DCC: variants seen among roughly 807,000 people sequenced by gnomAD.
The protein encoded by DCC is netrin receptor DCC.
Under a neutral mutation model 172.5 loss-of-function variants are expected in DCC, and 58 were observed. The ratio of observed to expected loss-of-function variants is 0.34; its 90% CI spans 0.27 to 0.42. The LOEUF is 0.42. Among genes scored for constraint, DCC ranks in the 10% least tolerant of loss-of-function variants. The pLI, the probability that DCC is intolerant of heterozygous loss-of-function variation, is 1.00. For synonymous variants in DCC, 709 were observed against 644.5 expected (o/e 1.10, Z -1.52); for missense variants, 1,740 against 1,791.0 (o/e 0.97, Z 0.51).
At chr18:53,353,524 T>G (rs1393293223) in intron 15 of DCC, among the ~76,000 whole-genome samples, 2 of 138,864 alleles carry the variant, frequency 1.4e-5, no homozygotes, top group African/African-American at 5.9e-5. Flanking sequence ...ATTTAACTGG[T>G]GTCATTTTTT....
At chr18:53,320,741 T>C (rs989196159) in intron 13 of DCC, among the ~76,000 whole-genome samples, 1 of 152,202 alleles carries the variant, frequency 6.6e-6, no homozygotes, top group African/African-American at 2.4e-5. Context: ...TTTTCAAGTA[T>C]TGTTTTGTGT....
rs558164440 is a variant in DCC, at chr18:53,446,107, A to G, written c.3230-4393A>G. 1.7e-4 allele frequency among the ~76,000 whole-genome samples: 25 copies of G among 144,062 alleles called. 2 individuals are homozygous for G. Among genetic ancestry groups the G allele is most frequent in the Admixed American group, 1.4e-3 (20 of 14,464 alleles). 94.5% of individuals were successfully genotyped at this position (144,062 alleles called of 152,430 possible). On this transcript the variant is annotated intron_variant, in intron 22 of 28. Transcript: ENST00000442544. ...GAAGACCCTGTCTCTACAAAAAAAA[A>G]AAAAAAACAAAAAAAAACACTTAAA...
At chr18:52,478,561 G>C (rs1989162425) in intron 1 of DCC, among the ~76,000 whole-genome samples, 1 of 152,150 alleles carries the variant, frequency 6.6e-6, no homozygotes, top group Non-Finnish European at 1.5e-5. Context: ...AAAGAAAAAA[G>C]GCTTTATTCG....
At chr18:53,031,661 A>C (rs2042027697) in intron 5 of DCC, among the ~76,000 whole-genome samples, 1 of 151,002 alleles carries the variant, frequency 6.6e-6, no homozygotes, top group East Asian at 1.9e-4. Flanking sequence ...GACAAAAATA[A>C]ATATAATATT....
chr18:52,828,076 G>A (rs922508516), intron 2 of DCC, among the ~76,000 whole-genome samples: 10 of 151,820 alleles, frequency 6.6e-5, no homozygotes, highest in African/African-American at 1.2e-4. Flanking sequence ...TTGTATAAAC[G>A]GTTCAATTCC....
At chr18:52,857,675 T>C (rs2039075555) in intron 2 of DCC, among the ~76,000 whole-genome samples, 1 of 152,176 alleles carries the variant, frequency 6.6e-6, no homozygotes, top group Admixed American at 6.5e-5. Context: ...AATGTGAGAA[T>C]TGATCTCTTC....
At chr18:52,891,668 C>A (rs2039652073) in intron 2 of DCC, among the ~76,000 whole-genome samples, 1 of 152,124 alleles carries the variant, frequency 6.6e-6, no homozygotes, top group Admixed American at 6.6e-5. Context: ...AGCAAAATCA[C>A]AGCCTAAATA....
At chr18:52,493,656 A>G (rs529032486) in intron 1 of DCC, among the ~76,000 whole-genome samples, 328 of 152,066 alleles carry the variant, frequency 2.2e-3, no homozygotes, top group Non-Finnish European at 3.4e-3. Flanking sequence ...ACCTTTTTAA[A>G]ATTAATCATT....
chr18:53,321,947 G>A, intron 13 of DCC, 100 bp from the exon 14 acceptor site: 1 of 776,180 alleles, frequency 1.3e-6, no homozygotes, highest in Non-Finnish European at 2.4e-6. Context: ...TGTAAAGCAT[G>A]TCCACTATTG....
At chr18:53,415,866 G>A in intron 20 of DCC, among the ~76,000 whole-genome samples, 1 of 151,824 alleles carries the variant, frequency 6.6e-6, no homozygotes, top group South Asian at 2.1e-4. Flanking sequence ...ATTGTTCTCA[G>A]TTTATGTTTA....
At chr18:53,259,982 C>T (rs2056574453) in intron 12 of DCC, among the ~76,000 whole-genome samples, 1 of 152,144 alleles carries the variant, frequency 6.6e-6, no homozygotes, top group African/African-American at 2.4e-5. Context: ...CCCTTTCTTC[C>T]AGTTGAGCAA....
In DCC at chr18:53,430,392, C is replaced by T. The variant is rs148316798; in HGVS notation, c.3164-4752C>T. Among the ~76,000 whole-genome samples, 1,118 of 152,254 alleles carry T rather than the reference C, an allele frequency of 7.3e-3. 17 individuals are homozygous for T. The highest frequency in any genetic ancestry group is 0.027 in the Admixed American group (415 of 15,274). ...ATTAAACAAACGATTAGAACTACCACATCCACTTTTCTCCATGTCTTCTGC... is the reference window on the plus strand; with the variant it reads ...ATTAAACAAACGATTAGAACTACCATATCCACTTTTCTCCATGTCTTCTGC... On this transcript the variant is annotated intron_variant, in intron 21 of 28. Coordinates refer to ENST00000442544, the MANE Select transcript of DCC (RefSeq NM_005215.4).
intron 2 of DCC, among the ~76,000 whole-genome samples, chr18:52,828,094 C>A (rs938217881): frequency 1.3e-5 from 2 of 152,016 alleles, no homozygotes; most frequent in Admixed American, 1.3e-4. Flanking sequence ...TCCCACATGC[C>A]CCATGCTAAT....
intron 20 of DCC, among the ~76,000 whole-genome samples, chr18:53,412,239 A>G (rs1910026246): frequency 6.6e-6 from 1 of 152,182 alleles, no homozygotes; most frequent in Admixed American, 6.6e-5. Context: ...TTGAAGTTTA[A>G]TATTGTCTAC....
intron 2 of DCC, among the ~76,000 whole-genome samples, chr18:52,821,202 G>T (rs367645704): frequency 6.6e-6 from 1 of 152,048 alleles, no homozygotes; most frequent in Non-Finnish European, 1.5e-5. Flanking sequence ...TATCCTATCT[G>T]CATCTATGCC....
At chr18:52,743,638 G>A (rs80019476) in intron 1 of DCC, among the ~76,000 whole-genome samples, 5,345 of 152,240 alleles carry the variant, frequency 0.035, 132 homozygotes, top group Admixed American at 0.048. Flanking sequence ...GTTGCCTGGG[G>A]CACACACTTC....
intron 1 of DCC, among the ~76,000 whole-genome samples, chr18:52,583,437 T>C (rs2033599146): frequency 6.6e-6 from 1 of 152,232 alleles, no homozygotes; most frequent in African/African-American, 2.4e-5. Flanking sequence ...GCATTTTTAT[T>C]TTTACTTTTA....
intron 1 of DCC, among the ~76,000 whole-genome samples, chr18:52,605,067 C>T (rs1224973466): frequency 6.6e-6 from 1 of 151,994 alleles, no homozygotes; most frequent in Non-Finnish European, 1.5e-5. Context: ...TATTTAATAG[C>T]TATATCATGG....
At chr18:52,654,914 C>T (rs2035215901) in intron 1 of DCC, among the ~76,000 whole-genome samples, 1 of 152,142 alleles carries the variant, frequency 6.6e-6, no homozygotes, top group Non-Finnish European at 1.5e-5. Flanking sequence ...CACTCAACTG[C>T]TTTTATTGTT....
Sources: gnomAD v4.1 joint callset for allele counts (sites outside exome capture counted in the v4.1 genomes callset) on GRCh38, gnomAD v4.1.1 for gene constraint, MANE v1.5 for transcripts, NCBI Gene and HGNC (gene_info 2026-07-23, HGNC 2026-07-21) for gene names.